Variants in GSR observed in about 807,000 individuals in gnomAD.
GSR encodes the protein glutathione reductase, mitochondrial.
GSR carries 48 observed loss-of-function variants against 56.5 expected under a neutral mutation model. The ratio of observed to expected loss-of-function variants is 0.85; its 90% confidence interval spans 0.67 to 1.08. The LOEUF (loss-of-function observed/expected upper bound fraction) is 1.08. Ranked by LOEUF, GSR falls within the 50% of genes least tolerant of loss-of-function variation. The probability of loss-of-function intolerance (pLI) is 0.00; values close to 1 mark genes in which losing one functional copy is unlikely to be tolerated. For missense variants in GSR, 694 were observed against 703.3 expected, an observed-to-expected ratio of 0.99 and a Z score of 0.15; for synonymous variants, 264 against 270.8, an observed-to-expected ratio of 0.97 and a Z score of 0.25.
chr8:30,700,750 A>AAAAAAAAAAAAAC (rs1803709491), intron 5 of GSR, among the ~76,000 whole-genome samples: 7 of 139,868 alleles, frequency 5.0e-5, no homozygotes, highest in South Asian at 4.9e-4. Flanking sequence ...AAAAAAAAAA[A>AAAAAAAAAAAAAC]TCGACGTGGC....
chr8:30,702,027 C>T (rs924723094), intron 5 of GSR, among the ~76,000 whole-genome samples: 2 of 151,780 alleles, frequency 1.3e-5, no homozygotes, highest in Admixed American at 6.6e-5. Flanking sequence ...CAGAGCAAGA[C>T]CCTGTCTCAA....
At position 30,679,149 on chromosome 8, in the gene GSR, C is replaced by CAAAAA. The variant is rs35555269; in HGVS notation, c.*366_*370dup. 4 of 108,910 alleles carry CAAAAA rather than the reference C, an allele frequency of 3.7e-5. No homozygotes were observed. Among genetic ancestry groups the CAAAAA allele is most frequent in the Non-Finnish European group, 6.9e-5 (4 of 57,736 alleles). 6.7% of individuals were successfully genotyped at this position (108,910 alleles called of 1,614,324 possible). A position where few individuals can be genotyped will look rare whatever the true frequency, so the allele number is the denominator to read the frequency against. ...GGGCAATGAGAGCAAAACTCTGTCTCAAAAAAAAAAAAAAAAAAAGTAGCA... is the reference window on the plus strand; with the variant it reads ...GGGCAATGAGAGCAAAACTCTGTCTCAAAAAAAAAAAAAAAAAAAAAAAAGTAGCA... On this transcript the variant is annotated 3_prime_UTR_variant, in exon 13 of 13. Transcript: ENST00000221130.
At position 30,678,665 on chromosome 8, in the gene GSR, A is replaced by G. The variant is rs961087537; in HGVS notation, c.*855T>C. The G allele has an allele frequency of 6.6e-6, 1 of 152,092 alleles. No homozygotes were observed. Among genetic ancestry groups the G allele is most frequent in the Non-Finnish European group, 1.5e-5 (1 of 68,036 alleles). 9.4% of individuals were successfully genotyped at this position (152,092 alleles called of 1,614,324 possible). On this transcript the variant is annotated 3_prime_UTR_variant, in exon 13 of 13. Coordinates refer to ENST00000221130, the MANE Select transcript of GSR (RefSeq NM_000637.5). ...GCCTGAGCCACCGTGCCTTGCCACAAACTATTTTTAATCATTAAAAAAGAA... is the reference window on the plus strand; with the variant it reads ...GCCTGAGCCACCGTGCCTTGCCACAGACTATTTTTAATCATTAAAAAAGAA...
In GSR at chr8:30,727,634, G is replaced by T; in HGVS notation, c.202C>A (p.Leu68Met). 3.3e-6 allele frequency: 5 copies of T among 1,492,716 alleles called. No individual in the cohort carries two copies. Among genetic ancestry groups the T allele is most frequent in the Non-Finnish European group, 4.4e-6 (5 of 1,129,158 alleles). The allele number at this position is 1,492,716 out of a possible 1,614,324, so 92.5% of individuals were successfully genotyped here. A position where few individuals can be genotyped will look rare whatever the true frequency, so the allele number is the denominator to read the frequency against. Reference protein sequence around the residue: ...AAGAVASYDYLVIGGGSGGLA... With the variant: ...AAGAVASYDYMVIGGGSGGLA... ...CCGCCCGAGCCGCCCCCGATCACCA[G>T]GTAGTCATAGGAGGCCACGGCGCCA... The change falls in exon 1 of 13, where the codon CTG (leucine) becomes ATG (methionine). Residue 68 changes from leucine to methionine, a missense_variant. Physicochemically the swap from Leu to Met is conservative, Grantham distance 15. Transcript: ENST00000221130.
chr8:30,716,642 T>C (rs1315116604), intron 1 of GSR, among the ~76,000 whole-genome samples: 1 of 152,034 alleles, frequency 6.6e-6, no homozygotes, highest in African/African-American at 2.4e-5. Flanking sequence ...ACACTGTCTC[T>C]AGAAAAAATA....
intron 1 of GSR, among the ~76,000 whole-genome samples, chr8:30,723,653 G>A (rs1340460927): frequency 3.9e-5 from 6 of 152,012 alleles, no homozygotes; most frequent in African/African-American, 1.4e-4. Context: ...TTTGCCAGGC[G>A]TGGTGGCCTG....
chr8:30,681,479 C>T (rs1241108167), intron 11 of GSR, among the ~76,000 whole-genome samples: 2 of 151,616 alleles, frequency 1.3e-5, no homozygotes, highest in Admixed American at 1.3e-4. Context: ...GAGCAGAGAT[C>T]GTGCCACTGC....
At chr8:30,719,206 A>C (rs1488734796) in intron 1 of GSR, among the ~76,000 whole-genome samples, 2 of 150,136 alleles carry the variant, frequency 1.3e-5, no homozygotes, top group Non-Finnish European at 3.0e-5. Flanking sequence ...TCCTGGGTTC[A>C]AGCAATTCTC....
At chr8:30,725,414 G>A (rs8190902) in intron 1 of GSR, among the ~76,000 whole-genome samples, 17,903 of 151,278 alleles carry the variant, frequency 0.12, 3,320 homozygotes, top group African/African-American at 0.4. Context: ...AAATACAAAA[G>A]TTAGCTGGGT....
intron 1 of GSR, among the ~76,000 whole-genome samples, chr8:30,722,493 A>G (rs1804572770): frequency 6.8e-6 from 1 of 146,942 alleles, no homozygotes; most frequent in Admixed American, 6.9e-5. Flanking sequence ...TGAGAGGCTA[A>G]GGTGGGAGGA....
intron 1 of GSR, among the ~76,000 whole-genome samples, chr8:30,722,731 CAAAAAAAAAA>C (rs200083922): frequency 5.4e-4 from 61 of 112,658 alleles, no homozygotes; most frequent in Non-Finnish European, 7.5e-4. Context: ...GACCCTGTCT[CAAAAAAAAAA>C]AAAAAAAAAA....
chr8:30,710,723 A>C (rs1804104859), intron 2 of GSR, among the ~76,000 whole-genome samples: 1 of 99,348 alleles, frequency 1.0e-5, no homozygotes, highest in Non-Finnish European at 2.0e-5. Context: ...TCAAAAAAAA[A>C]AAAAAAAAAA....
chr8:30,686,525 T>C (rs1318344095), intron 9 of GSR, among the ~76,000 whole-genome samples: 1 of 151,908 alleles, frequency 6.6e-6, no homozygotes, highest in South Asian at 2.1e-4. Context: ...TCTACAAAAA[T>C]TTTTTTTAAA....
At chr8:30,690,195 A>G (rs1803336039) in intron 8 of GSR, among the ~76,000 whole-genome samples, 1 of 140,098 alleles carries the variant, frequency 7.1e-6, no homozygotes, top group African/African-American at 2.6e-5. Flanking sequence ...TTTTTCTTTA[A>G]GAGACAGGGT....
intron 2 of GSR, among the ~76,000 whole-genome samples, chr8:30,710,786 CATAA>C (rs1804115537): frequency 9.9e-6 from 1 of 101,058 alleles, no homozygotes; most frequent in African/African-American, 3.6e-5. Context: ...AATGAACATA[CATAA>C]ATGTCTACCG....
intron 4 of GSR, among the ~76,000 whole-genome samples, chr8:30,704,383 G>C (rs901971907): frequency 1.3e-5 from 2 of 152,140 alleles, no homozygotes; most frequent in Admixed American, 6.6e-5. Context: ...ACAGGATAAT[G>C]GTGAAATGAA....
At chr8:30,699,913 A>G (rs1313100930) in intron 6 of GSR, among the ~76,000 whole-genome samples, 168 bp downstream of exon 6, 1 of 152,168 alleles carries the variant, frequency 6.6e-6, no homozygotes, top group African/African-American at 2.4e-5. Context: ...TGAGGGATCT[A>G]CTGAGGAGTT....
rs943977533 is a variant in GSR at position 30,678,554 on chromosome 8, G to A, written c.*966C>T. On this transcript the variant is annotated 3_prime_UTR_variant, in exon 13 of 13. Coordinates refer to ENST00000221130, the MANE Select transcript of GSR (RefSeq NM_000637.5). ...TTTTTTTACTCTCTGTAGAGATGCAGTCTTGCTATGCTGTGCATGCTGGCC... is the reference window on the plus strand; with the variant it reads ...TTTTTTTACTCTCTGTAGAGATGCAATCTTGCTATGCTGTGCATGCTGGCC... 3.3e-5 allele frequency: 5 copies of A among 151,732 alleles called. No homozygotes were observed. The Admixed American group carries it at 3.3e-4, about 10-fold the overall frequency. The allele number at this position is 151,732 out of a possible 1,614,324, so 9.4% of individuals were successfully genotyped here.
chr8:30,701,134 C>T (rs749771353), intron 5 of GSR, among the ~76,000 whole-genome samples: 1 of 152,184 alleles, frequency 6.6e-6, no homozygotes, highest in African/African-American at 2.4e-5. Flanking sequence ...CTGATTCCTT[C>T]TCTCTGTAGC....
Sources: gnomAD v4.1 joint callset for allele counts (sites outside exome capture counted in the v4.1 genomes callset) on GRCh38, gnomAD v4.1.1 for gene constraint, MANE v1.5 for transcripts, NCBI Gene and HGNC (gene_info 2026-07-23, HGNC 2026-07-21) for gene names.